Variants in DCP2 observed in about 807,000 individuals in gnomAD.
DCP2 encodes decapping mRNA 2.
A neutral mutation model predicts 56.1 loss-of-function variants in DCP2; 30 were observed. The observed-to-expected ratio is 0.53, with a 90% CI of 0.40 to 0.73. DCP2 has a LOEUF of 0.73. DCP2 is among the 30% of genes least tolerant of loss of function. The pLI is 0.00. For synonymous variants in DCP2, 197 were observed against 163.3 expected (o/e 1.21, Z -1.57); for missense variants, 533 against 502.7 (o/e 1.06, Z -0.58).
intron 1 of DCP2, among the ~76,000 whole-genome samples, chr5:112,985,085 A>G (rs1266687947): frequency 6.6e-6 from 1 of 152,168 alleles, no homozygotes; most frequent in Non-Finnish European, 1.5e-5. Flanking sequence ...AAGGATTACC[A>G]AAAATGCTTA....
intron 4 of DCP2, among the ~76,000 whole-genome samples, chr5:113,000,178 G>C (rs1045643402): frequency 1.3e-5 from 2 of 151,486 alleles, no homozygotes; most frequent in African/African-American, 4.9e-5. Context: ...GAATGGTCTC[G>C]AACACCTGGG....
chr5:113,001,005 T>C, intron 4 of DCP2, 79 bp from the exon 5 acceptor site: 1 of 1,370,784 alleles, frequency 7.3e-7, no homozygotes, highest in Non-Finnish European at 9.9e-7. Flanking sequence ...TTTCTGAGTT[T>C]TTGTCTTGGG....
intron 4 of DCP2, among the ~76,000 whole-genome samples, chr5:112,997,506 G>T (rs1216513188): frequency 1.3e-5 from 2 of 152,078 alleles, no homozygotes; most frequent in Non-Finnish European, 2.9e-5. Flanking sequence ...CTATTGGTCA[G>T]TTTATTCTGC....
In DCP2 at chr5:113,022,162, C is replaced by T. The variant is rs1010673059; in HGVS notation, c.*8678C>T. On this transcript the variant is annotated 3_prime_UTR_variant, in exon 11 of 11. Transcript: ENST00000389063. ...AATGTTTGTAAAATATTATAAATGT[C>T]TCTGTATAAATAAATGGAGTTTTTA... 6.6e-6 allele frequency: 1 copy of T among 152,632 alleles called. No individual in the cohort carries two copies. The highest frequency in any genetic ancestry group is 1.5e-5 in the Non-Finnish European group (1 of 68,012). The allele number at this position is 152,632 out of a possible 1,614,324, so 9.5% of individuals were successfully genotyped here. A position where few individuals can be genotyped will look rare whatever the true frequency, so the allele number is the denominator to read the frequency against.
At position 113,016,113 on chromosome 5, in the gene DCP2, T is replaced by A. The variant is rs115535845; in HGVS notation, c.*2629T>A. The A allele has an allele frequency of 2.4e-3, 373 of 152,800 alleles. 1 individual carries two copies. Among genetic ancestry groups the A allele is most frequent in the Admixed American group, 5.2e-3 (80 of 15,306 alleles). 9.5% of individuals were successfully genotyped at this position (152,800 alleles called of 1,614,324 possible). Reference sequence around the variant, plus strand: ...TTAAAAAAATTTGTAGGTGCTTTTATGTATAACTTTAATGATTTATAAGAT... The same window carrying A: ...TTAAAAAAATTTGTAGGTGCTTTTAAGTATAACTTTAATGATTTATAAGAT... On this transcript the variant is annotated 3_prime_UTR_variant, in exon 11 of 11. Transcript: ENST00000389063.
At chr5:113,008,198 T>C (rs1749527430) in intron 9 of DCP2, 156 bp downstream of exon 9, 1 of 546,924 alleles carries the variant, frequency 1.8e-6, no homozygotes. Context: ...CTATTCACAC[T>C]AAAAATCTCT....
Position 113,015,299 on chromosome 5 carries a change from C to T in DCP2, c.*1815C>T, listed in dbSNP as rs920988958. ...GTTTGCCTGGCAGATGAATAATTTTCACTCATTTATTGTCTTCTGGAAACC... is the reference window on the plus strand; with the variant it reads ...GTTTGCCTGGCAGATGAATAATTTTTACTCATTTATTGTCTTCTGGAAACC... On this transcript the variant is annotated 3_prime_UTR_variant, in exon 11 of 11. Coordinates refer to ENST00000389063, the MANE Select transcript of DCP2 (RefSeq NM_152624.6). 5 of 151,458 alleles carry T rather than the reference C, an allele frequency of 3.3e-5. No homozygotes were observed. Among genetic ancestry groups the T allele is most frequent in the African/African-American group, 1.2e-4 (5 of 41,172 alleles). 9.4% of individuals were successfully genotyped at this position (151,458 alleles called of 1,614,324 possible).
At chr5:112,989,938 A>G (rs1426518251) in intron 2 of DCP2, among the ~76,000 whole-genome samples, 1 of 152,134 alleles carries the variant, frequency 6.6e-6, no homozygotes, top group East Asian at 1.9e-4. Flanking sequence ...GATGATTTGG[A>G]TATCTGAGGA....
intron 7 of DCP2, among the ~76,000 whole-genome samples, chr5:113,002,749 T>C (rs1195365768): frequency 1.3e-5 from 2 of 152,154 alleles, no homozygotes; most frequent in East Asian, 1.9e-4. Flanking sequence ...TGTTGAACTC[T>C]TGGGCTCCAG....
At chr5:112,990,584 T>C (rs1275218441) in intron 2 of DCP2, among the ~76,000 whole-genome samples, 1 of 152,150 alleles carries the variant, frequency 6.6e-6, no homozygotes, top group Non-Finnish European at 1.5e-5. Flanking sequence ...GCACTAATTA[T>C]ATTGAGATTA....
chr5:113,006,897 C>A (rs1364301221), intron 8 of DCP2, among the ~76,000 whole-genome samples: 1 of 152,070 alleles, frequency 6.6e-6, no homozygotes, highest in African/African-American at 2.4e-5. Context: ...CTTCGGGAGG[C>A]CAAGGTGGGT....
At chr5:113,010,841 C>A (rs200950345) in intron 10 of DCP2, 34 bp downstream of exon 10, 4 of 1,577,464 alleles carry the variant, frequency 2.5e-6, no homozygotes, top group Non-Finnish European at 3.4e-6. Flanking sequence ...TAATCTCTGC[C>A]TTGTGGGATT....
chr5:112,993,730 T>C (rs1057065559), intron 4 of DCP2, among the ~76,000 whole-genome samples: 3 of 152,028 alleles, frequency 2.0e-5, no homozygotes, highest in East Asian at 3.8e-4. Context: ...TATCTAGATA[T>C]GTTTCTAAAC....
In DCP2 at chr5:113,018,816, A is replaced by G. The variant is rs1246947898; in HGVS notation, c.*5332A>G. ...TTCTGTAGAATAATCCATATTTTAA[A>G]ATTTGTTTCACATCTTTATAGCAAA... On this transcript the variant is annotated 3_prime_UTR_variant, in exon 11 of 11. Coordinates refer to ENST00000389063, the MANE Select transcript of DCP2 (RefSeq NM_152624.6). 1 of 152,072 alleles carries G rather than the reference A, an allele frequency of 6.6e-6. No homozygotes were observed. Among genetic ancestry groups the G allele is most frequent in the Non-Finnish European group, 1.5e-5 (1 of 68,028 alleles). 9.4% of individuals were successfully genotyped at this position (152,072 alleles called of 1,614,324 possible).
At position 113,016,710 on chromosome 5, in the gene DCP2, A is replaced by C. The variant is rs908096332; in HGVS notation, c.*3226A>C. On this transcript the variant is annotated 3_prime_UTR_variant, in exon 11 of 11. Coordinates refer to ENST00000389063, the MANE Select transcript of DCP2 (RefSeq NM_152624.6). ...ATGTGTGCATTAAAAACATTTCACT[A>C]CCTATTCTCTCATGGACTTCTCATC... 5 of 152,124 alleles carry C rather than the reference A, an allele frequency of 3.3e-5. No individual in the cohort carries two copies. Among genetic ancestry groups the C allele is most frequent in the Admixed American group, 3.3e-4 (5 of 15,274 alleles). The allele number at this position is 152,124 out of a possible 1,614,324, so 9.4% of individuals were successfully genotyped here. A position where few individuals can be genotyped will look rare whatever the true frequency, so the allele number is the denominator to read the frequency against.
intron 1 of DCP2, among the ~76,000 whole-genome samples, chr5:112,983,152 C>T (rs190876700): frequency 6.6e-6 from 1 of 152,244 alleles, no homozygotes; most frequent in Admixed American, 6.5e-5. Context: ...CTTCAGAAAC[C>T]AAGATGTTAT....
rs1749524698 is a variant in DCP2 at position 113,008,146 on chromosome 5, AATTG to A, written c.1047+107_1047+110del. The stretch of plus-strand genomic sequence containing the variant: ...ATGTTACTTGTTTTGTTCTTATTTT[AATTG>A]ATATACTAGTAGGATTTTTGTGTAG... On this transcript the variant is annotated intron_variant, in intron 9 of 10. Coordinates refer to ENST00000389063, the MANE Select transcript of DCP2 (RefSeq NM_152624.6). The A allele has an allele frequency of 6.3e-6, 6 of 948,998 alleles. No individual in the cohort carries two copies. The South Asian group carries it at 1.1e-4, about 17-fold the overall frequency. 58.8% of individuals were successfully genotyped at this position (948,998 alleles called of 1,614,324 possible). A position where few individuals can be genotyped will look rare whatever the true frequency, so the allele number is the denominator to read the frequency against.
chr5:112,997,928 T>G (rs1399824087), intron 4 of DCP2, among the ~76,000 whole-genome samples: 1 of 152,062 alleles, frequency 6.6e-6, no homozygotes, highest in Non-Finnish European at 1.5e-5. Context: ...GGTAACACTT[T>G]AAAAAAAATT....
chr5:113,005,145 C>CGTGGGG (rs1749359022), intron 8 of DCP2, among the ~76,000 whole-genome samples: 1 of 5,544 alleles, frequency 1.8e-4, no homozygotes, highest in South Asian at 6.3e-3. Context: ...AAAAAGTGTG[C>CGTGGGG]GTGTGGGTGT....
Sources: gnomAD v4.1 joint callset for allele counts (sites outside exome capture counted in the v4.1 genomes callset) on GRCh38, gnomAD v4.1.1 for gene constraint, MANE v1.5 for transcripts, NCBI Gene and HGNC (gene_info 2026-07-23, HGNC 2026-07-21) for gene names.